The following LTBP4 variants were observed in gnomAD, a reference collection of about 807,000 sequenced individuals.
LTBP4 encodes the protein latent transforming growth factor beta binding protein 4, also known as latent-transforming growth factor beta-binding protein 4.
Under a neutral mutation model 180.2 loss-of-function variants are expected in LTBP4, and 93 were observed. The observed-to-expected ratio is 0.52, with a 90% CI of 0.44 to 0.61. The LOEUF is 0.61. Ranked by LOEUF, LTBP4 falls within the 20% of genes least tolerant of loss-of-function variation. The pLI, the probability that LTBP4 is intolerant of heterozygous loss-of-function variation, is 0.00. For synonymous variants in LTBP4, 947 were observed against 934.5 expected (o/e 1.01, Z -0.24); for missense variants, 2,116 against 2,256.5 (o/e 0.94, Z 1.26).
chr19:40,624,043 T>C lies in LTBP4; in HGVS notation c.3793T>C (p.Ser1265Pro). ...CGAGCCCCCACTGGTGCTGGATGGC[T>C]CGCAGCGCCGCTGCGTCTCCAACGA... ...TCEPPLVLDG[S>P]QRRCVSNESQ... The change falls in exon 26 of 30, where the codon TCG (serine) becomes CCG (proline). Residue 1265 changes from serine to proline, a missense_variant. By Grantham distance (74) the Ser-to-Pro change is moderately conservative (BLOSUM62 -1). This residue lies in a region of LTBP4 where 488 missense variants were observed against 458.8 expected (regional missense o/e 1.06). Transcript: ENST00000396819. The C allele has an allele frequency of 6.3e-7, 1 of 1,595,138 alleles. No individual in the cohort carries two copies. The highest frequency in any genetic ancestry group is 8.6e-7 in the Non-Finnish European group (1 of 1,167,886).
At position 40,609,594 on chromosome 19, in the gene LTBP4, G is replaced by T. The variant is rs117273116; in HGVS notation, c.1491G>T (p.Arg497=). ...GCGGCCCAGGACGCTGCATTTCCCG[G>T]CCCAGCGGCTACACCTGCGCTTGCG... ...QVCGPGRCIS[R]PSGYTCACDS... The change falls in exon 10 of 30, where the codon CGG becomes CGT. Residue 497 remains arginine, a synonymous_variant. Transcript: ENST00000396819. The surrounding 1 kb of genome is among the most constrained non-coding windows in gnomAD (Gnocchi z 4.9). 6,611 of 1,613,464 alleles carry T rather than the reference G, an allele frequency of 4.1e-3. 22 individuals are homozygous for T. The highest frequency in any genetic ancestry group is 5.2e-3 in the Non-Finnish European group (6,139 of 1,179,834).
intron 27 of LTBP4, among the ~76,000 whole-genome samples, chr19:40,626,392 C>A (rs745743143): frequency 6.8e-4 from 104 of 152,182 alleles, no homozygotes; most frequent in Non-Finnish European, 1.3e-3. Flanking sequence ...GGCCCCAGAC[C>A]CCCTGGTCAC....
chr19:40,618,241 T>C lies in LTBP4; in HGVS notation c.3070+1016T>C, dbSNP rs531240712. ...CGCAACCACGCCCAGCTAATGTTTT[T>C]AATTTTTGTAGAGATGAGTTTTTTT... On this transcript the variant is annotated intron_variant, in intron 21 of 29. Coordinates refer to ENST00000396819, the MANE Select transcript of LTBP4 (RefSeq NM_001042545.2). Among the ~76,000 whole-genome samples the C allele has an allele frequency of 5.9e-5, 9 of 151,852 alleles. No individual in the cohort carries two copies. The South Asian group carries it at 1.9e-3, about 32-fold the overall frequency.
At chr19:40,595,905 A>ATT (rs60121587) in intron 1 of LTBP4, among the ~76,000 whole-genome samples, 814 of 60,094 alleles carry the variant, frequency 0.014, 30 homozygotes, top group Middle Eastern at 0.036. Flanking sequence ...TAATTTTTGG[A>ATT]TTTTTTTTTT....
At position 40,610,962 on chromosome 19, in the gene LTBP4, G is replaced by C. The variant is rs183374729; in HGVS notation, c.1811-190G>C. 48 of 809,348 alleles carry C rather than the reference G, an allele frequency of 5.9e-5. 1 individual carries two copies. In the Admixed American group the frequency reaches 1.1e-3, roughly 19 times the overall value. 50.1% of individuals were successfully genotyped at this position (809,348 alleles called of 1,614,324 possible). A position where few individuals can be genotyped will look rare whatever the true frequency, so the allele number is the denominator to read the frequency against. On this transcript the variant is annotated intron_variant, in intron 12 of 29. Transcript: ENST00000396819. ...AAGGGGAGAAGGAGGCCTTCTCATG[G>C]GGACTACAGAGACAGAACCAGCCAG... is the stretch of plus-strand genomic sequence containing the variant.
intron 7 of LTBP4, 85 bp downstream of exon 7, chr19:40,607,614 G>C (rs1001865550): frequency 6.4e-6 from 9 of 1,417,050 alleles, no homozygotes; most frequent in Non-Finnish European, 8.4e-6. Flanking sequence ...TGAGTTCACT[G>C]CCCCAACCTG....
intron 1 of LTBP4, among the ~76,000 whole-genome samples, chr19:40,602,139 CG>C (rs1188346970): frequency 1.8e-5 from 1 of 56,222 alleles, no homozygotes; most frequent in Non-Finnish European, 3.1e-5. Context: ...GGGACAGAGA[CG>C]GGGGTTGTGT....
Position 40,608,154 on chromosome 19 carries a change from T to A in LTBP4, c.1157-66T>A, listed in dbSNP as rs1055616195. On this transcript the variant is annotated intron_variant, in intron 7 of 29. Transcript: ENST00000396819. The stretch of plus-strand genomic sequence containing the variant: ...GCCCTGCCCCTAGCCAAGGCCAGAG[T>A]CTGGGCTGGCCATCGTTTTCTTCCC... The A allele has an allele frequency of 3.8e-5, 59 of 1,572,686 alleles. No homozygotes were observed. In the Admixed American group the frequency reaches 9.7e-4, roughly 26 times the overall value.
chr19:40,599,431 G>T, upstream of LTBP4: 1 of 1,613,800 alleles, frequency 6.2e-7, no homozygotes, highest in South Asian at 1.1e-5. Flanking sequence ...CCTTCTGCAG[G>T]GTCCGAAGCT....
intron 19 of LTBP4, among the ~76,000 whole-genome samples, chr19:40,616,020 G>T (rs539469718): frequency 6.6e-6 from 1 of 152,312 alleles, no homozygotes; most frequent in South Asian, 2.1e-4. Context: ...AGACAGAAGC[G>T]AGGGAGGCAG....
intron 19 of LTBP4, chr19:40,615,198 G>GGGGGGC (rs2081539760): frequency 7.9e-6 from 1 of 126,050 alleles, no homozygotes; most frequent in Non-Finnish European, 1.7e-5. Context: ...GTCGGCGGGG[G>GGGGGGC]GGGGGGGGCG....
intron 26 of LTBP4, among the ~76,000 whole-genome samples, chr19:40,624,522 T>G (rs933129424): frequency 7.9e-5 from 12 of 152,104 alleles, no homozygotes; most frequent in African/African-American, 2.9e-4. Flanking sequence ...GGCTCCCGAG[T>G]AGCTGGGATT....
intron 6 of LTBP4, 104 bp downstream of exon 6, chr19:40,606,630 C>T (rs1687377752): frequency 7.0e-7 from 1 of 1,425,284 alleles, no homozygotes. Flanking sequence ...CCCAGACTCC[C>T]GGGTTCCTCT....
chr19:40,618,118 T>C (rs1373056015), intron 21 of LTBP4, among the ~76,000 whole-genome samples: 2 of 151,572 alleles, frequency 1.3e-5, no homozygotes, highest in Non-Finnish European at 2.9e-5. Context: ...GGCTGGAGTG[T>C]GGTTGTTTGA....
In LTBP4 at chr19:40,622,273, T is replaced by G; in HGVS notation, c.3218-128T>G. The G allele has an allele frequency of 7.0e-6, 7 of 998,548 alleles. No homozygotes were observed. In the East Asian group the frequency reaches 8.3e-5, roughly 12 times the overall value. 61.9% of individuals were successfully genotyped at this position (998,548 alleles called of 1,614,324 possible). A position where few individuals can be genotyped will look rare whatever the true frequency, so the allele number is the denominator to read the frequency against. ...ACAGAGGAGCGTGAGAGGTGTGGAG[T>G]CTGGTTCTGCCACTGATGGCTGCCA... On this transcript the variant is annotated intron_variant, in intron 22 of 29. Transcript: ENST00000396819. This position sits in a 1 kb window ranked among gnomAD's most constrained non-coding sequence, Gnocchi z 5.1.
intron 1 of LTBP4, among the ~76,000 whole-genome samples, chr19:40,595,363 C>T (rs2081384539): frequency 6.6e-6 from 1 of 152,044 alleles, no homozygotes; most frequent in Non-Finnish European, 1.5e-5. Context: ...TCAGGGGTTC[C>T]AGGCTCACCA....
chr19:40,601,405 G>A lies in LTBP4; in HGVS notation c.18G>A (p.Arg6=). 4 of 1,343,598 alleles carry A rather than the reference G, an allele frequency of 3.0e-6. No individual in the cohort carries two copies. Among genetic ancestry groups the A allele is most frequent in the Non-Finnish European group, 3.8e-6 (4 of 1,041,098 alleles). The allele number at this position is 1,343,598 out of a possible 1,614,324, so 83.2% of individuals were successfully genotyped here. The part of the protein sequence containing the change: MAGGV[R]LLWVSLLVLL... ...CTGCAGCCATGGCGGGCGGCGTGCGGCTGCTCTGGGTGTCGCTATTGGTGC... is the reference window on the plus strand; with the variant it reads ...CTGCAGCCATGGCGGGCGGCGTGCGACTGCTCTGGGTGTCGCTATTGGTGC... The change falls in exon 1 of 30, where the codon CGG becomes CGA. Residue 6 remains arginine, a synonymous_variant. Transcript: ENST00000396819.
chr19:40,602,649 C>T (rs374314527), intron 1 of LTBP4, among the ~76,000 whole-genome samples: 35 of 152,302 alleles, frequency 2.3e-4, no homozygotes, highest in African/African-American at 7.7e-4. Context: ...CATGCCCAGG[C>T]GGGTGCCAAG....
intron 19 of LTBP4, chr19:40,615,414 C>A (rs1181057258): frequency 1.3e-5 from 2 of 152,154 alleles, no homozygotes; most frequent in Non-Finnish European, 2.9e-5. Flanking sequence ...ATATAAAAAC[C>A]CCTGCCTTCC....
Sources: gnomAD v4.1 joint callset for allele counts (sites outside exome capture counted in the v4.1 genomes callset) on GRCh38, gnomAD v4.1.1 for gene constraint, gnomAD v4.1.1 regional missense constraint, Gnocchi (gnomAD v3.1) non-coding constraint, MANE v1.5 for transcripts, NCBI Gene and HGNC (gene_info 2026-07-23, HGNC 2026-07-21) for gene names.